The following USP47 variants were observed in gnomAD, a reference collection of about 807,000 sequenced individuals.
The protein encoded by USP47 is ubiquitin carboxyl-terminal hydrolase 47.
USP47 carries 35 observed loss-of-function variants against 165.1 expected under a neutral mutation model. That is an observed-to-expected ratio of 0.21 (90% confidence interval 0.16 to 0.28). The LOEUF is 0.28. Among genes scored for constraint, USP47 ranks in the 10% least tolerant of loss-of-function variants. USP47 has a pLI of 1.00. For missense variants in USP47, 1,277 were observed against 1,607.4 expected, an observed-to-expected ratio of 0.79 and a Z score of 3.52; for synonymous variants, 531 against 544.5, an observed-to-expected ratio of 0.98 and a Z score of 0.35.
At chr11:11,898,864 A>G (rs1852011534) in intron 5 of USP47, among the ~76,000 whole-genome samples, 1 of 152,198 alleles carries the variant, frequency 6.6e-6, no homozygotes, top group East Asian at 1.9e-4. Context: ...AGGAAGGGCT[A>G]CCTGAGTGTT....
chr11:11,931,153 A>T (rs982430797), intron 14 of USP47, among the ~76,000 whole-genome samples: 5 of 151,986 alleles, frequency 3.3e-5, no homozygotes, highest in African/African-American at 9.7e-5. Context: ...TATACAGGTG[A>T]TGTGTTTGCT....
intron 16 of USP47, among the ~76,000 whole-genome samples, chr11:11,935,590 A>G (rs971700594): frequency 1.3e-5 from 2 of 151,968 alleles, no homozygotes; most frequent in Non-Finnish European, 2.9e-5. Context: ...GCTGAGGCTT[A>G]CAAGTCCTTC....
chr11:11,853,585 C>T (rs898181649), intron 1 of USP47, among the ~76,000 whole-genome samples: 5 of 152,132 alleles, frequency 3.3e-5, no homozygotes, highest in Admixed American at 1.3e-4. Context: ...TAAATAGATG[C>T]GTCCTCTCTA....
chr11:11,954,451 A>G (rs1392397539), intron 25 of USP47, among the ~76,000 whole-genome samples: 5 of 152,008 alleles, frequency 3.3e-5, no homozygotes, highest in Non-Finnish European at 5.9e-5. Context: ...TTGTATTTTT[A>G]GTTGAGACGG....
chr11:11,926,813 CTT>C (rs974468204), intron 11 of USP47, among the ~76,000 whole-genome samples: 4 of 138,190 alleles, frequency 2.9e-5, no homozygotes. Context: ...GAGATGTCTT[CTT>C]TTTTTTTTTA....
chr11:11,857,753 G>C (rs1208512576), intron 1 of USP47, among the ~76,000 whole-genome samples: 1 of 152,228 alleles, frequency 6.6e-6, no homozygotes, highest in Non-Finnish European at 1.5e-5. Flanking sequence ...ATGGAAAATT[G>C]AAAGTACCTC....
At position 11,932,999 on chromosome 11, in the gene USP47, A is replaced by G. The variant is rs755418268; in HGVS notation, c.1652-5A>G. The G allele has an allele frequency of 3.7e-6, 6 of 1,607,098 alleles. No individual in the cohort carries two copies. The highest frequency in any genetic ancestry group is 3.3e-4 in the Middle Eastern group (2 of 6,004). On this transcript the variant is annotated splice_region_variant and splice_polypyrimidine_tract_variant and intron_variant, in intron 14 of 27. Transcript: ENST00000527733. ...ACTGTCTTATCCTGTTTTTATTACT[A>G]ATAGAATTTCTAGAAGTGGATGAAT...
At chr11:11,943,369 A>T (rs1855616392) in intron 20 of USP47, 1 of 264,754 alleles carries the variant, frequency 3.8e-6, no homozygotes, top group African/African-American at 2.2e-5. Context: ...TGATATAATT[A>T]CTAAGTAAAA....
At chr11:11,928,943 T>C (rs1254813563) in intron 11 of USP47, among the ~76,000 whole-genome samples, 4 of 152,016 alleles carry the variant, frequency 2.6e-5, no homozygotes, top group African/African-American at 9.6e-5. Context: ...ATTCTTAATA[T>C]GAGAGAACAA....
In USP47 at chr11:11,902,285, CA is replaced by C. The variant is rs372876365; in HGVS notation, c.594-424del. Reference sequence around the variant, plus strand: ...TTTCATCCTTGCAATTTATTCCCTGCAAAAAATAGAAAGAAAACTGATGTCA... The same window carrying C: ...TTTCATCCTTGCAATTTATTCCCTGCAAAAATAGAAAGAAAACTGATGTCA... On this transcript the variant is annotated intron_variant, in intron 5 of 27. Transcript: ENST00000527733. 1.6e-3 allele frequency among the ~76,000 whole-genome samples: 241 copies of C among 152,174 alleles called. 1 individual carries two copies. The South Asian group carries it at 0.022, about 14-fold the overall frequency.
At chr11:11,886,930 A>G (rs182910809) in intron 3 of USP47, among the ~76,000 whole-genome samples, 6 of 152,308 alleles carry the variant, frequency 3.9e-5, no homozygotes, top group Admixed American at 3.3e-4. Context: ...CCAATATTCA[A>G]CATTCTTAAA....
intron 1 of USP47, among the ~76,000 whole-genome samples, chr11:11,879,897 G>A: frequency 6.6e-6 from 1 of 151,920 alleles, no homozygotes; most frequent in Admixed American, 6.6e-5. Context: ...TATTGACCAT[G>A]GATTTACAGT....
chr11:11,905,530 C>T lies in USP47; in HGVS notation c.951C>T (p.Ser317=). 3 of 1,606,666 alleles carry T rather than the reference C, an allele frequency of 1.9e-6. No homozygotes were observed. Among genetic ancestry groups the T allele is most frequent in the Non-Finnish European group, 2.6e-6 (3 of 1,174,970 alleles). The change falls in exon 8 of 28, where the codon AGC becomes AGT. Residue 317 remains serine, a synonymous_variant. Coordinates refer to ENST00000527733, the MANE Select transcript of USP47 (RefSeq NM_001282659.2). ...IPLVIRPYGS[S]QAFASVEEAL... is the part of the protein sequence containing the mutation. ...TGGTCATCCGACCTTATGGGTCCAG[C>T]CAAGCATTTGCTAGTGTGGTGTGTA...
At chr11:11,864,061 A>G (rs750825633) in intron 1 of USP47, among the ~76,000 whole-genome samples, 6 of 152,180 alleles carry the variant, frequency 3.9e-5, no homozygotes, top group Non-Finnish European at 8.8e-5. Flanking sequence ...GAAAATATGC[A>G]TACAAACACA....
chr11:11,869,545 CTTTATTCCT>C (rs1269245791), intron 1 of USP47, among the ~76,000 whole-genome samples: 1 of 152,132 alleles, frequency 6.6e-6, no homozygotes. Flanking sequence ...AGACCTTTCA[CTTTATTCCT>C]TTTCAATATC....
At chr11:11,860,176 T>C (rs1849298490) in intron 1 of USP47, among the ~76,000 whole-genome samples, 2 of 151,778 alleles carry the variant, frequency 1.3e-5, no homozygotes, top group South Asian at 4.2e-4. Flanking sequence ...TGAGATGGAG[T>C]TTCGCTCTTG....
rs1855231495 is a variant in USP47 at position 11,938,453 on chromosome 11, G to GA, written c.2193+82dup. ...CACACTATGTGACAGTTATGAATAA[G>GA]ATACATGCTTTACCTCCAGGAGCTA... On this transcript the variant is annotated intron_variant, in intron 18 of 27. Coordinates refer to ENST00000527733, the MANE Select transcript of USP47 (RefSeq NM_001282659.2). 4.0e-6 allele frequency: 4 copies of GA among 1,006,996 alleles called. No individual in the cohort carries two copies. In the East Asian group the frequency reaches 1.0e-4, roughly 26 times the overall value. 62.4% of individuals were successfully genotyped at this position (1,006,996 alleles called of 1,614,324 possible). A position where few individuals can be genotyped will look rare whatever the true frequency, so the allele number is the denominator to read the frequency against.
chr11:11,910,611 A>G lies in USP47; in HGVS notation c.969+5063A>G, dbSNP rs184156148. ...GTACTGAGATACTCCTGCCCTTTAC[A>G]GCCAAGGTTATATCAGCAGAGGCCT... On this transcript the variant is annotated intron_variant, in intron 8 of 27. Coordinates refer to ENST00000527733, the MANE Select transcript of USP47 (RefSeq NM_001282659.2). Among the ~76,000 whole-genome samples the G allele has an allele frequency of 1.3e-3, 192 of 152,082 alleles. 1 individual carries two copies. Among genetic ancestry groups the G allele is most frequent in the Non-Finnish European group, 2.4e-3 (163 of 67,990 alleles).
intron 1 of USP47, among the ~76,000 whole-genome samples, chr11:11,848,276 A>G (rs1289220833): frequency 6.6e-6 from 1 of 152,202 alleles, no homozygotes; most frequent in African/African-American, 2.4e-5. Context: ...ACAAACCTAG[A>G]TGGTTTAGCC....
Sources: allele counts gnomAD v4.1 joint callset (sites outside exome capture counted in the v4.1 genomes callset), GRCh38; gene constraint gnomAD v4.1.1; transcripts MANE v1.5; gene names NCBI Gene and HGNC (gene_info 2026-07-23, HGNC 2026-07-21).